The following PCNT variants were observed in gnomAD, a reference collection of about 807,000 sequenced individuals.
PCNT encodes the protein kendrin.
A neutral mutation model predicts 380.4 loss-of-function variants in PCNT; 319 were observed. That is an observed-to-expected ratio of 0.84 (90% confidence interval 0.77 to 0.92). PCNT has a LOEUF of 0.92. Among genes scored for constraint, PCNT ranks in the 40% least tolerant of loss-of-function variants. PCNT has a pLI of 0.00. For missense variants in PCNT, 4,400 were observed against 4,255.3 expected (o/e 1.03, Z -0.95); for synonymous variants, 1,845 against 1,735.2 (o/e 1.06, Z -1.57).
chr21:46,346,254 T>G, intron 4 of PCNT, 46 bp downstream of exon 4: 17 of 1,142,876 alleles, frequency 1.5e-5, no homozygotes, highest in Non-Finnish European at 2.1e-5. Context: ...GGCTCTGTTA[T>G]CCCCACAGGG....
Position 46,334,433 on chromosome 21 carries a change from G to A in PCNT, c.304G>A (p.Glu102Lys), listed in dbSNP as rs1224144653. The change falls in exon 3 of 47, where the codon GAA becomes AAA. Residue 102 changes from glutamate (E) to lysine (K), a missense_variant. Glu to Lys is a moderately conservative substitution (Grantham distance 56). Transcript: ENST00000359568. The part of the protein sequence containing the change: ...DCDGEKREDL[E>K]QLQQKQVNDH... ...TGATGGAGAGAAGAGAGAGGACTTG[G>A]AACAGCTGCAGCAGAAGCAAGTCAA... 4.3e-6 allele frequency: 7 copies of A among 1,614,102 alleles called. No individual in the cohort carries two copies. Among genetic ancestry groups the A allele is most frequent in the Non-Finnish European group, 5.1e-6 (6 of 1,180,044 alleles).
Position 46,353,970 on chromosome 21 carries a change from A to G in PCNT, c.1680-17A>G. 5.6e-6 allele frequency: 9 copies of G among 1,609,420 alleles called. No homozygotes were observed. Among genetic ancestry groups the G allele is most frequent in the Non-Finnish European group, 7.7e-6 (9 of 1,175,854 alleles). Reference sequence around the variant, plus strand: ...GGGGTACGTGTGTAAAGCTTTTATAAAATGTTTTCCCTTCAGGTTGTCCTG... The same window carrying G: ...GGGGTACGTGTGTAAAGCTTTTATAGAATGTTTTCCCTTCAGGTTGTCCTG... On this transcript the variant is annotated splice_polypyrimidine_tract_variant and intron_variant, in intron 10 of 46. Transcript: ENST00000359568.
At position 46,391,118 on chromosome 21, in the gene PCNT, T is replaced by TACACCCAGGAC. The variant is rs1052953263; in HGVS notation, c.4004-45_4004-35dup. On this transcript the variant is annotated intron_variant, in intron 20 of 46. Transcript: ENST00000359568. ...TTCCTCCAAGCAGGCTCTCCTCAGT[T>TACACCCAGGAC]ACACCCAGGACTGGCTTTGTCAGAG... 3 of 1,515,276 alleles carry TACACCCAGGAC rather than the reference T, an allele frequency of 2.0e-6. No homozygotes were observed. In the African/African-American group the frequency reaches 4.1e-5, roughly 21 times the overall value. 93.9% of individuals were successfully genotyped at this position (1,515,276 alleles called of 1,614,324 possible).
chr21:46,440,020 G>C, intron 41 of PCNT, 63 bp from the exon 42 acceptor site: 2 of 1,601,436 alleles, frequency 1.2e-6, no homozygotes, highest in Admixed American at 3.4e-5. Flanking sequence ...CCCCGGCTGC[G>C]TCTCTAAGAT....
At chr21:46,331,378 A>G (rs962867883) in intron 2 of PCNT, among the ~76,000 whole-genome samples, 5 of 152,134 alleles carry the variant, frequency 3.3e-5, no homozygotes. Flanking sequence ...CAGGATGGTT[A>G]TAAGCGAAGG....
At chr21:46,330,736 T>C (rs112879163) in intron 2 of PCNT, among the ~76,000 whole-genome samples, 1 of 152,248 alleles carries the variant, frequency 6.6e-6, no homozygotes. Context: ...TTCAAAATAA[T>C]GATCTTCTGA....
At chr21:46,348,412 T>C in intron 6 of PCNT, 1 of 167,940 alleles carries the variant, frequency 6.0e-6, no homozygotes, top group Non-Finnish European at 1.3e-5. Context: ...TCAGGGTGGG[T>C]TGTCCCTGTG....
At chr21:46,324,898 C>A (rs117743316) in intron 1 of PCNT, 1 of 985,348 alleles carries the variant, frequency 1.0e-6, no homozygotes, top group Non-Finnish European at 1.2e-6. Flanking sequence ...GCGTTGCAGT[C>A]CTTACTGTGT....
chr21:46,423,188 A>T (rs9984247), intron 32 of PCNT, among the ~76,000 whole-genome samples: 98,324 of 147,852 alleles, frequency 0.67, 33,300 homozygotes, highest in African/African-American at 0.78. Flanking sequence ...AGTTTTTTAT[A>T]TCTTCTTTGC....
Position 46,425,149 on chromosome 21 carries a change from G to A in PCNT, c.7180-682G>A, listed in dbSNP as rs1474896268. Reference sequence around the variant, plus strand: ...CCTCTGGGCTCTGGGCTCTAGGCTGGTCGTGACACCAGCTTCTCCATAGGG... The same window carrying A: ...CCTCTGGGCTCTGGGCTCTAGGCTGATCGTGACACCAGCTTCTCCATAGGG... On this transcript the variant is annotated intron_variant, in intron 32 of 46. Coordinates refer to ENST00000359568, the MANE Select transcript of PCNT (RefSeq NM_006031.6). The surrounding 1 kb of genome is among the most constrained non-coding windows in gnomAD (Gnocchi z 4.2). Among the ~76,000 whole-genome samples, 2 of 152,158 alleles carry A rather than the reference G, an allele frequency of 1.3e-5. No homozygotes were observed.
Position 46,367,044 on chromosome 21 carries a change from G to T in PCNT, c.3070G>T (p.Glu1024Ter). ...GTTGGAGAAACTGAAGCGGAAACAC[G>T]AAGGGGAGCTACAGTCTGTGCGGGA... is the stretch of plus-strand genomic sequence containing the variant. The part of the protein sequence containing the change: ...QELEKLKRKH[E>*]GELQSVRDHL... Residue 1024 changes from glutamate to a stop codon, truncating the protein, a stop_gained, in exon 15 of 47, where the codon GAA (glutamate) becomes TAA (stop). Transcript: ENST00000359568. LOFTEE classifies it high-confidence loss of function. 1 of 1,614,094 alleles carries T rather than the reference G, an allele frequency of 6.2e-7. No homozygotes were observed. The highest frequency in any genetic ancestry group is 8.5e-7 in the Non-Finnish European group (1 of 1,180,014).
At chr21:46,430,277 G>A (rs779181762) in intron 36 of PCNT, 45 bp downstream of exon 36, 30 of 1,546,020 alleles carry the variant, frequency 1.9e-5, no homozygotes, top group South Asian at 3.4e-5. Flanking sequence ...GAGTCCCCCC[G>A]TTGTGCCATG....
At chr21:46,339,112 T>C (rs1601774022) in intron 3 of PCNT, among the ~76,000 whole-genome samples, 1 of 151,976 alleles carries the variant, frequency 6.6e-6, no homozygotes, top group Non-Finnish European at 1.5e-5. Flanking sequence ...GGGATAGTTT[T>C]ACCATGTTGG....
rs1601189512 is a variant in PCNT, at chr21:46,431,952, T to C, written c.8488T>C (p.Cys2830Arg). ...QQLEAEAQKH[C>R]EALRREKEVS... ...GCTTGAGGCTGAGGCTCAGAAGCAC[T>C]GTGAGGCGCTCAGGAGAGAGAAGGA... The change falls in exon 38 of 47, where the codon TGT (cysteine) becomes CGT (arginine). Residue 2830 changes from cysteine (C) to arginine (R), a missense_variant. Physicochemically the swap from Cys to Arg is radical, Grantham distance 180 (BLOSUM62 -3). Coordinates refer to ENST00000359568, the MANE Select transcript of PCNT (RefSeq NM_006031.6). 2 of 1,613,966 alleles carry C rather than the reference T, an allele frequency of 1.2e-6. No individual in the cohort carries two copies. The highest frequency in any genetic ancestry group is 1.7e-6 in the Non-Finnish European group (2 of 1,179,976).
At position 46,440,058 on chromosome 21, in the gene PCNT, C is replaced by CAGCGCT. The variant is rs755603191; in HGVS notation, c.9274-24_9274-19dup. 4.3e-6 allele frequency: 7 copies of CAGCGCT among 1,613,780 alleles called. No homozygotes were observed. In the South Asian group the frequency reaches 6.6e-5, roughly 15 times the overall value. Reference sequence around the variant, plus strand: ...TCTTGTTGACGAGCAGCTCTGTAGACAGCGCTGGCTGTGCTTCCTTACAGA... The same window carrying CAGCGCT: ...TCTTGTTGACGAGCAGCTCTGTAGACAGCGCTAGCGCTGGCTGTGCTTCCTTACAGA... On this transcript the variant is annotated intron_variant, in intron 41 of 46. Transcript: ENST00000359568.
Position 46,389,331 on chromosome 21 carries a change from A to G in PCNT, c.3740A>G (p.Glu1247Gly), listed in dbSNP as rs779953366. 40 of 1,614,126 alleles carry G rather than the reference A, an allele frequency of 2.5e-5. No homozygotes were observed. In the Admixed American group the frequency reaches 4.7e-4, roughly 19 times the overall value. The change falls in exon 19 of 47, where the codon GAA becomes GGA. Residue 1247 changes from glutamate to glycine, a missense_variant. Physicochemically the swap from Glu to Gly is moderately conservative, Grantham distance 98 (BLOSUM62 -2). Transcript: ENST00000359568. ...HMRESFLMSP[E>G]SVRECEQPIR... ...CGTGAAAGCTTTCTCATGAGCCCAG[A>G]AAGTGTGCGGGAGTGTGAGCAGCCC...
intron 31 of PCNT, chr21:46,420,789 TGG>T (rs2087218570): frequency 6.6e-6 from 1 of 152,278 alleles, no homozygotes; most frequent in South Asian, 2.1e-4. Context: ...GTACACGCTG[TGG>T]GAGCCGCAGC....
chr21:46,421,975 G>A lies in PCNT; in HGVS notation c.7030G>A (p.Gly2344Ser), dbSNP rs781579296. Residue 2344 changes from glycine to serine, a missense_variant, in exon 32 of 47, where the codon GGC becomes AGC. Physicochemically the swap from Gly to Ser is moderately conservative, Grantham distance 56 (BLOSUM62 0). Transcript: ENST00000359568. Reference protein sequence around the residue: ...GKADRSEKSDGSGFGARLSPG... With the variant: ...GKADRSEKSDSSGFGARLSPG... ...TGACCCTGTGGTGTTTTTAGGTGAC[G>A]GCTCGGGTTTTGGAGCAAGACTGAG... 1.7e-5 allele frequency: 28 copies of A among 1,614,064 alleles called. No homozygotes were observed. The highest frequency in any genetic ancestry group is 2.2e-5 in the Non-Finnish European group (26 of 1,179,968).
At chr21:46,432,537 G>A (rs2087812843) in intron 38 of PCNT, among the ~76,000 whole-genome samples, 1 of 152,218 alleles carries the variant, frequency 6.6e-6, no homozygotes, top group African/African-American at 2.4e-5. Context: ...CTTAGGGATG[G>A]CATTAAATGT....
Sources: allele counts gnomAD v4.1 joint callset (sites outside exome capture counted in the v4.1 genomes callset), GRCh38; gene constraint gnomAD v4.1.1; non-coding constraint Gnocchi (gnomAD v3.1); transcripts MANE v1.5; gene names NCBI Gene and HGNC (gene_info 2026-07-23, HGNC 2026-07-21).